The following PCNX1 variants were observed in gnomAD, a reference collection of about 807,000 sequenced individuals.
PCNX1 encodes the protein pecanex 1, also known as pecanex-like protein 1.
Under a neutral mutation model 242.2 loss-of-function variants are expected in PCNX1, and 78 were observed. The observed-to-expected ratio is 0.32, with a 90% confidence interval of 0.27 to 0.39. The LOEUF (loss-of-function observed/expected upper bound fraction) is 0.39. Ranked by LOEUF, PCNX1 falls within the 10% of genes least tolerant of loss-of-function variation. The pLI is 1.00. For synonymous variants in PCNX1, 1,024 were observed against 1,032.9 expected (o/e 0.99, Z 0.17); for missense variants, 2,581 against 2,856.5 (o/e 0.90, Z 2.20).
rs2062797792 is a variant in PCNX1, at chr14:71,113,662, A to G, written c.*3727A>G. ...CAGTGTCTAAAGTTGTCCTTTTCTT[A>G]TAGCTAGCTTTCAAGCATCTTTCCT... is the stretch of plus-strand genomic sequence containing the variant. On this transcript the variant is annotated 3_prime_UTR_variant, in exon 36 of 36. Transcript: ENST00000304743. The G allele has an allele frequency of 6.6e-6, 1 of 152,388 alleles. No individual in the cohort carries two copies. The highest frequency in any genetic ancestry group is 6.5e-5 in the Admixed American group (1 of 15,274). The allele number at this position is 152,388 out of a possible 1,614,324, so 9.4% of individuals were successfully genotyped here.
intron 3 of PCNX1, among the ~76,000 whole-genome samples, chr14:70,967,536 A>T (rs1010268204): frequency 2.0e-5 from 3 of 152,148 alleles, no homozygotes; most frequent in African/African-American, 4.8e-5. Flanking sequence ...AATTTTAGGG[A>T]AGTGTTAAAC....
chr14:71,083,404 G>T lies in PCNX1; in HGVS notation c.5338-4926G>T, dbSNP rs1033966219. ...CTGAATCTGAATGTTGGCCTGTCTT[G>T]CTAGGCTGGGGAAGTTCTAGGTAAT... On this transcript the variant is annotated intron_variant, in intron 28 of 35. Coordinates refer to ENST00000304743, the MANE Select transcript of PCNX1 (RefSeq NM_014982.3). Among the ~76,000 whole-genome samples the T allele has an allele frequency of 9.0e-4, 137 of 152,262 alleles. 1 individual carries two copies. The highest frequency in any genetic ancestry group is 9.0e-3 in the Admixed American group (137 of 15,292).
chr14:70,958,125 C>T (rs1326995798), intron 2 of PCNX1, among the ~76,000 whole-genome samples: 1 of 152,184 alleles, frequency 6.6e-6, no homozygotes, highest in Non-Finnish European at 1.5e-5. Flanking sequence ...AGCTTATAAA[C>T]ATGAACATGT....
chr14:71,014,321 C>T lies in PCNX1; in HGVS notation c.2996+1119C>T, dbSNP rs566053967. ...AGATTTATGGAAATCCAGAAATACC[C>T]AGCACCCAACAAGTTAAGATTCACA... On this transcript the variant is annotated intron_variant, in intron 11 of 35. Coordinates refer to ENST00000304743, the MANE Select transcript of PCNX1 (RefSeq NM_014982.3). Among the ~76,000 whole-genome samples, 3 of 152,228 alleles carry T rather than the reference C, an allele frequency of 2.0e-5. No individual in the cohort carries two copies. The South Asian group carries it at 6.2e-4, about 32-fold the overall frequency.
chr14:70,995,654 A>T, intron 7 of PCNX1, 87 bp from the exon 8 acceptor site: 1 of 1,240,132 alleles, frequency 8.1e-7, no homozygotes, highest in African/African-American at 1.5e-5. Context: ...TGCCTTTTTG[A>T]AATCAGTTTT....
chr14:71,057,695 C>T lies in PCNX1; in HGVS notation c.4823C>T (p.Thr1608Ile). Residue 1608 changes from threonine to isoleucine, a missense_variant, in exon 26 of 36, where the codon ACT (threonine) becomes ATT (isoleucine). Physicochemically the swap from Thr to Ile is moderately conservative, Grantham distance 89. Coordinates refer to ENST00000304743, the MANE Select transcript of PCNX1 (RefSeq NM_014982.3). ...ATAGAGATAGGCAATGGTCTGGTCA[C>T]TTTTCAGCTGCGGGGACTTGAATTC... ...HLIEIGNGLV[T>I]FQLRGLEFRG... 6.2e-7 allele frequency: 1 copy of T among 1,613,632 alleles called. No individual in the cohort carries two copies. The highest frequency in any genetic ancestry group is 1.1e-5 in the South Asian group (1 of 91,042).
intron 35 of PCNX1, 36 bp from the exon 36 acceptor site, chr14:71,109,759 C>T: frequency 1.9e-6 from 3 of 1,610,200 alleles, no homozygotes; most frequent in Non-Finnish European, 2.5e-6. Flanking sequence ...TTCCAGGTCT[C>T]CAGTGCTAAC....
At chr14:71,004,171 C>G (rs1324126100) in intron 8 of PCNX1, among the ~76,000 whole-genome samples, 3 of 152,214 alleles carry the variant, frequency 2.0e-5, no homozygotes, top group Non-Finnish European at 1.5e-5. Context: ...TGAATTGTTG[C>G]AACAGAGGTT....
At chr14:70,914,168 A>G (rs768315608) in intron 1 of PCNX1, among the ~76,000 whole-genome samples, 2 of 152,340 alleles carry the variant, frequency 1.3e-5, no homozygotes, top group East Asian at 3.9e-4. Flanking sequence ...GAAGGGAACA[A>G]TAAATACTGG....
intron 19 of PCNX1, among the ~76,000 whole-genome samples, chr14:71,040,849 G>A (rs1394718852): frequency 4.6e-5 from 7 of 150,890 alleles, no homozygotes; most frequent in Non-Finnish European, 1.0e-4. Flanking sequence ...CTTCCCGGTC[G>A]CTGATAACCA....
At position 70,958,303 on chromosome 14, in the gene PCNX1, G is replaced by A. The variant is rs1033379916; in HGVS notation, c.363-3923G>A. On this transcript the variant is annotated intron_variant, in intron 2 of 35. Transcript: ENST00000304743. Reference sequence around the variant, plus strand: ...TGGCTTAGAGTTAGGAACCTGTTACGCAAACAGGGACATTATAATTATGAG... The same window carrying A: ...TGGCTTAGAGTTAGGAACCTGTTACACAAACAGGGACATTATAATTATGAG... 1.7e-4 allele frequency among the ~76,000 whole-genome samples: 26 copies of A among 152,232 alleles called. No individual in the cohort carries two copies. In the East Asian group the frequency reaches 4.0e-3, roughly 24 times the overall value.
rs774155929 is a variant in PCNX1 at position 71,109,566 on chromosome 14, A to C, written c.6859A>C (p.Ser2287Arg). 8.7e-6 allele frequency: 14 copies of C among 1,614,060 alleles called. No individual in the cohort carries two copies. The highest frequency in any genetic ancestry group is 2.7e-5 in the African/African-American group (2 of 74,928). The part of the protein sequence containing the change: ...KAGRNSWKDW[S>R]PQEGMEGHVI... ...TGGGAGAAATAGCTGGAAAGACTGGAGTCCGCAGGAGGGCATGGAAGGCCA... is the reference window on the plus strand; with the variant it reads ...TGGGAGAAATAGCTGGAAAGACTGGCGTCCGCAGGAGGGCATGGAAGGCCA... Residue 2287 changes from serine (S) to arginine (R), a missense_variant, in exon 35 of 36, where the codon AGT (serine) becomes CGT (arginine). Physicochemically the swap from Ser to Arg is moderately radical, Grantham distance 110 (BLOSUM62 -1). This residue lies in a region of PCNX1 where 432 missense variants were observed against 433.6 expected (regional missense o/e 1.00). Coordinates refer to ENST00000304743, the MANE Select transcript of PCNX1 (RefSeq NM_014982.3).
chr14:70,960,910 T>A (rs1292589915), intron 2 of PCNX1, among the ~76,000 whole-genome samples: 2 of 152,084 alleles, frequency 1.3e-5, no homozygotes, highest in Non-Finnish European at 2.9e-5. Flanking sequence ...GAACTCCCAT[T>A]CACAATTGCT....
chr14:70,939,522 T>C (rs2057148139), intron 1 of PCNX1, among the ~76,000 whole-genome samples: 2 of 152,266 alleles, frequency 1.3e-5, no homozygotes, highest in South Asian at 4.1e-4. Context: ...TCTGTTGTTT[T>C]ACATTTGCTG....
At chr14:71,075,451 T>C (rs17108967) in intron 27 of PCNX1, among the ~76,000 whole-genome samples, 56,043 of 152,000 alleles carry the variant, frequency 0.37, 10,603 homozygotes, top group East Asian at 0.62. Context: ...TGGCATTTTC[T>C]ATCTCTAGTT....
At chr14:70,986,928 T>C (rs545585463) in intron 6 of PCNX1, among the ~76,000 whole-genome samples, 1 of 152,336 alleles carries the variant, frequency 6.6e-6, no homozygotes, top group South Asian at 2.1e-4. Context: ...AATTGAGTTT[T>C]AAAATAGTGA....
rs993202700 is a variant in PCNX1, at chr14:71,114,851, G to C, written c.*4916G>C. On this transcript the variant is annotated 3_prime_UTR_variant, in exon 36 of 36. Transcript: ENST00000304743. ...CAGAGTAGTGATAGAGCATAAGATG[G>C]CTGCTCCAGATGACTCTTGGGTTTA... The C allele has an allele frequency of 6.8e-6, 1 of 146,476 alleles. No homozygotes were observed. Among genetic ancestry groups the C allele is most frequent in the African/African-American group, 2.5e-5 (1 of 39,854 alleles). 9.1% of individuals were successfully genotyped at this position (146,476 alleles called of 1,614,324 possible).
chr14:71,048,995 A>G, intron 22 of PCNX1: 1 of 917,956 alleles, frequency 1.1e-6, no homozygotes, highest in Non-Finnish European at 1.3e-6. Flanking sequence ...TCTAGTGAGT[A>G]TGGTTATTAA....
intron 9 of PCNX1, among the ~76,000 whole-genome samples, chr14:71,011,212 C>T (rs188892810): frequency 2.0e-5 from 3 of 152,214 alleles, no homozygotes; most frequent in East Asian, 1.9e-4. Context: ...AACACTTTCA[C>T]AAGAACCTTG....
Sources: gnomAD v4.1 joint callset for allele counts (sites outside exome capture counted in the v4.1 genomes callset) on GRCh38, gnomAD v4.1.1 for gene constraint, gnomAD v4.1.1 regional missense constraint, MANE v1.5 for transcripts, NCBI Gene and HGNC (gene_info 2026-07-23, HGNC 2026-07-21) for gene names.